The following GALNT13 variants were observed in gnomAD, a reference collection of about 807,000 sequenced individuals.
GALNT13 encodes the protein polypeptide N-acetylgalactosaminyltransferase 13.
A neutral mutation model predicts 64.2 loss-of-function variants in GALNT13; 28 were observed. That is an observed-to-expected ratio of 0.44 (90% CI 0.32 to 0.60). The LOEUF (loss-of-function observed/expected upper bound fraction) is 0.60. Among genes scored for constraint, GALNT13 ranks in the 20% least tolerant of loss-of-function variants. The probability of loss-of-function intolerance (pLI) is 0.05; values close to 1 mark genes in which losing one functional copy is unlikely to be tolerated. For synonymous variants in GALNT13, 214 were observed against 224.6 expected (o/e 0.95, Z 0.42); for missense variants, 577 against 669.8 (o/e 0.86, Z 1.53).
intron 3 of GALNT13, among the ~76,000 whole-genome samples, chr2:153,993,650 C>T (rs1695312465): frequency 6.9e-6 from 1 of 145,882 alleles, no homozygotes; most frequent in African/African-American, 2.6e-5. Flanking sequence ...GAGCCGAGAT[C>T]GTGCCACTGT....
chr2:153,446,513 T>C, the GALNT13 span, among the ~76,000 whole-genome samples: 2 of 152,188 alleles, frequency 1.3e-5, no homozygotes, highest in African/African-American at 4.8e-5. Context: ...ACTACACTCT[T>C]AACTACTGAA....
chr2:153,887,908 A>C (rs1574049190), intron 1 of GALNT13, among the ~76,000 whole-genome samples: 1 of 152,162 alleles, frequency 6.6e-6, no homozygotes, highest in East Asian at 1.9e-4. Context: ...GAAACATTGT[A>C]TATTTCTTAT....
chr2:153,227,600 A>T, the GALNT13 span, among the ~76,000 whole-genome samples: 11 of 152,176 alleles, frequency 7.2e-5, no homozygotes, highest in Admixed American at 5.2e-4. Context: ...CTTCAATCCC[A>T]CTTAAATACA....
At chr2:153,255,794 C>G in the GALNT13 span, among the ~76,000 whole-genome samples, 1 of 152,086 alleles carries the variant, frequency 6.6e-6, no homozygotes, top group East Asian at 1.9e-4. Flanking sequence ...GAATATTGGC[C>G]CCCACTCTCT....
At chr2:153,922,712 C>T (rs952406931) in intron 2 of GALNT13, among the ~76,000 whole-genome samples, 8 of 151,990 alleles carry the variant, frequency 5.3e-5, no homozygotes, top group African/African-American at 1.9e-4. Context: ...TTTCGCACAG[C>T]TAACTTCTGG....
the GALNT13 span, among the ~76,000 whole-genome samples, chr2:153,814,489 A>G: frequency 0.33 from 50,384 of 151,382 alleles, 8,877 homozygotes; most frequent in Middle Eastern, 0.49. Flanking sequence ...AAATAAATAA[A>G]TAAATAAATA....
chr2:153,816,304 G>A, the GALNT13 span, among the ~76,000 whole-genome samples: 8 of 152,262 alleles, frequency 5.3e-5, no homozygotes, highest in East Asian at 1.5e-3. Context: ...TGTGGGTGGA[G>A]TATTCAGCTC....
At chr2:154,316,143 C>T (rs1280625998) in intron 9 of GALNT13, among the ~76,000 whole-genome samples, 2 of 151,906 alleles carry the variant, frequency 1.3e-5, no homozygotes, top group Non-Finnish European at 2.9e-5. Flanking sequence ...TAATTTATAT[C>T]GTTGAAAATA....
the GALNT13 span, among the ~76,000 whole-genome samples, chr2:153,226,428 CCACTT>C: frequency 2.6e-5 from 4 of 152,216 alleles, no homozygotes; most frequent in Admixed American, 2.6e-4. Flanking sequence ...AATTTTTTCT[CCACTT>C]CAGAGTGGAG....
At chr2:154,208,063 C>A (rs1373604029) in intron 4 of GALNT13, among the ~76,000 whole-genome samples, 1 of 152,006 alleles carries the variant, frequency 6.6e-6, no homozygotes, top group South Asian at 2.1e-4. Context: ...AGGATGTTAT[C>A]AATTTTTCAT....
intron 2 of GALNT13, among the ~76,000 whole-genome samples, chr2:153,935,942 T>G (rs1379002575): frequency 1.3e-5 from 2 of 152,324 alleles, no homozygotes; most frequent in Non-Finnish European, 2.9e-5. Flanking sequence ...TTCTCTCCAG[T>G]CCTCTATTAA....
the GALNT13 span, among the ~76,000 whole-genome samples, chr2:153,432,475 G>A: frequency 3.3e-5 from 5 of 152,158 alleles, no homozygotes; most frequent in African/African-American, 4.8e-5. Context: ...TAAAATGTGA[G>A]CACCTTTTCA....
the GALNT13 span, among the ~76,000 whole-genome samples, chr2:153,114,634 A>G: frequency 6.6e-6 from 1 of 152,118 alleles, no homozygotes; most frequent in Non-Finnish European, 1.5e-5. Context: ...TAGGAAGGAG[A>G]TAACAGTTGA....
In GALNT13 at chr2:154,452,936, C is replaced by T. The variant is rs756073649; in HGVS notation, c.*2385C>T. On this transcript the variant is annotated 3_prime_UTR_variant, in exon 13 of 13. Coordinates refer to ENST00000392825, the MANE Select transcript of GALNT13 (RefSeq NM_052917.4). The stretch of plus-strand genomic sequence containing the variant: ...TCAAACCAATCTCTTCTGTGGTCTT[C>T]TCCATCTCAGTTAATGCAACTTCAA... 6.6e-6 allele frequency: 1 copy of T among 152,110 alleles called. No individual in the cohort carries two copies. The highest frequency in any genetic ancestry group is 1.5e-5 in the Non-Finnish European group (1 of 68,032). 9.4% of individuals were successfully genotyped at this position (152,110 alleles called of 1,614,324 possible).
At chr2:153,669,432 C>T in the GALNT13 span, among the ~76,000 whole-genome samples, 1 of 152,182 alleles carries the variant, frequency 6.6e-6, no homozygotes, top group Non-Finnish European at 1.5e-5. Context: ...ATGAAATAAT[C>T]TTTACACCAA....
At chr2:154,335,224 T>C (rs1425227975) in intron 9 of GALNT13, among the ~76,000 whole-genome samples, 2 of 136,608 alleles carry the variant, frequency 1.5e-5, no homozygotes, top group African/African-American at 5.3e-5. Flanking sequence ...TTTCTTCAAC[T>C]GTTGAAGAAA....
intron 4 of GALNT13, among the ~76,000 whole-genome samples, chr2:154,226,261 A>G (rs977427253): frequency 5.3e-5 from 8 of 152,140 alleles, no homozygotes; most frequent in African/African-American, 1.9e-4. Flanking sequence ...TGAAAAGTTT[A>G]CAAATTCTCA....
At chr2:153,270,724 C>T in the GALNT13 span, among the ~76,000 whole-genome samples, 1 of 151,938 alleles carries the variant, frequency 6.6e-6, no homozygotes, top group Non-Finnish European at 1.5e-5. Flanking sequence ...GATGGCACAC[C>T]CCTTGTAGAC....
chr2:153,303,988 C>A, the GALNT13 span, among the ~76,000 whole-genome samples: 5 of 151,768 alleles, frequency 3.3e-5, no homozygotes, highest in African/African-American at 9.7e-5. Flanking sequence ...CTCAGAAGAA[C>A]CTGCCAGGTC....
Sources: gnomAD v4.1 joint callset for allele counts (sites outside exome capture counted in the v4.1 genomes callset) on GRCh38, gnomAD v4.1.1 for gene constraint, MANE v1.5 for transcripts, NCBI Gene and HGNC (gene_info 2026-07-23, HGNC 2026-07-21) for gene names.